APBB2: variants seen among roughly 807,000 people sequenced by gnomAD.
The protein encoded by APBB2 is amyloid beta precursor protein binding family B member 2.
Under a neutral mutation model 82.5 loss-of-function variants are expected in APBB2, and 38 were observed. The ratio of observed to expected loss-of-function variants is 0.46; its 90% confidence interval spans 0.36 to 0.60. APBB2 has a LOEUF of 0.60. APBB2 is among the 20% of genes least tolerant of loss of function. APBB2 has a pLI of 0.00. For synonymous variants in APBB2, 341 were observed against 368.2 expected (o/e 0.93, Z 0.85); for missense variants, 772 against 972.3 (o/e 0.79, Z 2.74).
chr4:40,913,645 GC>G (rs1779120035), intron 10 of APBB2, among the ~76,000 whole-genome samples: 1 of 152,128 alleles, frequency 6.6e-6, no homozygotes, highest in Admixed American at 6.5e-5. Context: ...GTTGCCCAAT[GC>G]ACATGTTCCT....
intron 6 of APBB2, among the ~76,000 whole-genome samples, chr4:41,012,669 T>C (rs541679702): frequency 3.9e-5 from 6 of 152,358 alleles, no homozygotes; most frequent in African/African-American, 7.2e-5. Flanking sequence ...TGTGATTTCC[T>C]TCCCTGGTGG....
chr4:41,152,916 G>C (rs1286646941), intron 1 of APBB2, among the ~76,000 whole-genome samples: 1 of 152,194 alleles, frequency 6.6e-6, no homozygotes, highest in South Asian at 2.1e-4. Context: ...GGTGATATTA[G>C]AGGTGGAGTA....
In APBB2 at chr4:41,013,932, T is replaced by C. The variant is rs200737441; in HGVS notation, c.486A>G (p.Leu162=). The part of the protein sequence containing the change: ...PSQPRRTKSF[L]NYYADLETSA... Reference sequence around the variant, plus strand: ...AGGTTTCCAGATCTGCATAGTAATTTAGGAAGCTCTTAGTTCTCCTGGGCT... The same window carrying C: ...AGGTTTCCAGATCTGCATAGTAATTCAGGAAGCTCTTAGTTCTCCTGGGCT... Residue 162 remains leucine, a synonymous_variant, in exon 6 of 18, where the codon CTA becomes CTG. Coordinates refer to ENST00000508593, the MANE Select transcript of APBB2 (RefSeq NM_004307.2). 124 of 1,614,064 alleles carry C rather than the reference T, an allele frequency of 7.7e-5. No individual in the cohort carries two copies. The highest frequency in any genetic ancestry group is 1.0e-4 in the Non-Finnish European group (119 of 1,180,044).
intron 4 of APBB2, among the ~76,000 whole-genome samples, chr4:41,040,453 T>C (rs1209040176): frequency 1.3e-5 from 2 of 152,200 alleles, no homozygotes; most frequent in East Asian, 1.9e-4. Flanking sequence ...AGTAGGTACT[T>C]TGTAAGGATT....
At chr4:40,880,306 G>A in intron 12 of APBB2, 2 of 985,392 alleles carry the variant, frequency 2.0e-6, no homozygotes, top group Non-Finnish European at 2.4e-6. Context: ...CTTTCCCAGT[G>A]ACGAACTGTG....
intron 1 of APBB2, among the ~76,000 whole-genome samples, chr4:41,193,054 A>T (rs924190058): frequency 6.6e-6 from 1 of 152,256 alleles, no homozygotes; most frequent in Admixed American, 6.5e-5. Context: ...CTAAAGGCTT[A>T]CTGGCTAAGA....
chr4:41,027,714 T>C (rs1448344541), intron 5 of APBB2, among the ~76,000 whole-genome samples: 1 of 152,188 alleles, frequency 6.6e-6, no homozygotes, highest in Non-Finnish European at 1.5e-5. Flanking sequence ...AAGAGCCTAC[T>C]ATGTATACCA....
At chr4:41,076,231 T>G (rs192320879) in intron 3 of APBB2, among the ~76,000 whole-genome samples, 24 of 152,168 alleles carry the variant, frequency 1.6e-4, no homozygotes, top group Admixed American at 1.5e-3. Context: ...TTGAGGAAAG[T>G]GTAAGTTAAG....
At chr4:40,954,595 G>A (rs1791088742) in intron 6 of APBB2, among the ~76,000 whole-genome samples, 2 of 152,148 alleles carry the variant, frequency 1.3e-5, no homozygotes, top group African/African-American at 2.4e-5. Flanking sequence ...CTGGAGTGGG[G>A]CCCAGGAATC....
At chr4:40,977,332 TA>T (rs1434484761) in intron 6 of APBB2, among the ~76,000 whole-genome samples, 1 of 151,556 alleles carries the variant, frequency 6.6e-6, no homozygotes, top group African/African-American at 2.4e-5. Flanking sequence ...TTTTTTTTTT[TA>T]AGACGGAGTT....
intron 17 of APBB2, among the ~76,000 whole-genome samples, chr4:40,819,955 G>C (rs1747234499): frequency 6.6e-6 from 1 of 152,144 alleles, no homozygotes; most frequent in Non-Finnish European, 1.5e-5. Context: ...GGGACTACAG[G>C]CATGTGCCAC....
chr4:40,976,934 A>G (rs538193260), intron 6 of APBB2, among the ~76,000 whole-genome samples: 3 of 152,276 alleles, frequency 2.0e-5, no homozygotes, highest in African/African-American at 7.2e-5. Flanking sequence ...CAGTGGTCTC[A>G]GATACTTGGG....
chr4:41,104,230 A>G (rs531270314), intron 2 of APBB2, among the ~76,000 whole-genome samples: 5 of 152,350 alleles, frequency 3.3e-5, no homozygotes, highest in Non-Finnish European at 5.9e-5. Flanking sequence ...GTAACCTCCA[A>G]AAGAACGTGG....
intron 12 of APBB2, among the ~76,000 whole-genome samples, chr4:40,887,395 G>A (rs758148064): frequency 2.0e-5 from 3 of 152,172 alleles, no homozygotes; most frequent in Non-Finnish European, 4.4e-5. Context: ...AATCCCTGAA[G>A]AGATTCCACT....
chr4:40,846,183 G>T (rs1304411119), intron 12 of APBB2, among the ~76,000 whole-genome samples: 3 of 151,944 alleles, frequency 2.0e-5, no homozygotes, highest in African/African-American at 7.3e-5. Flanking sequence ...TCCATATAAA[G>T]CTCCTACAGG....
chr4:41,162,053 A>G lies in APBB2; in HGVS notation c.-416-18911T>C, dbSNP rs973032383. Among the ~76,000 whole-genome samples the G allele has an allele frequency of 3.3e-5, 5 of 152,140 alleles. No individual in the cohort carries two copies. In the South Asian group the frequency reaches 1.0e-3, roughly 32 times the overall value. On this transcript the variant is annotated intron_variant, in intron 1 of 17. Coordinates refer to ENST00000508593, the MANE Select transcript of APBB2 (RefSeq NM_004307.2). ...CCAGGCATCACACATCCTTTCATCCACAAATATTTCAGCATATATCTCTTA... is the reference window on the plus strand; with the variant it reads ...CCAGGCATCACACATCCTTTCATCCGCAAATATTTCAGCATATATCTCTTA...
intron 1 of APBB2, among the ~76,000 whole-genome samples, chr4:41,174,118 G>A (rs1274351755): frequency 1.3e-5 from 2 of 152,150 alleles, no homozygotes; most frequent in East Asian, 3.8e-4. Flanking sequence ...CACTTTTTCA[G>A]GGTGTGTTAA....
chr4:41,132,463 C>G lies in APBB2; in HGVS notation c.-261+10524G>C, dbSNP rs147286477. Among the ~76,000 whole-genome samples the G allele has an allele frequency of 3.3e-5, 5 of 152,348 alleles. No individual in the cohort carries two copies. In the East Asian group the frequency reaches 9.6e-4, roughly 29 times the overall value. ...AGTCATTACTTCAAGTCCAAACAGG[C>G]AGGCCTTTCTTAGCAAACAGCTTTC... On this transcript the variant is annotated intron_variant, in intron 2 of 17. Transcript: ENST00000508593.
At chr4:41,130,830 A>G (rs1309680109) in intron 2 of APBB2, among the ~76,000 whole-genome samples, 1 of 152,044 alleles carries the variant, frequency 6.6e-6, no homozygotes, top group Admixed American at 6.6e-5. Flanking sequence ...TGTAGGACAG[A>G]TCCCCTTCCT....
Sources: allele counts gnomAD v4.1 joint callset (sites outside exome capture counted in the v4.1 genomes callset), GRCh38; gene constraint gnomAD v4.1.1; transcripts MANE v1.5; gene names NCBI Gene and HGNC (gene_info 2026-07-23, HGNC 2026-07-21).